Variants in VWF observed in about 807,000 individuals in gnomAD.
The protein encoded by VWF is Factor VIII related antigen.
In VWF, 176 loss-of-function variants were observed where a neutral mutation model predicts 308.6. The observed-to-expected ratio is 0.57, with a 90% CI of 0.50 to 0.65. The LOEUF is 0.65. Among genes scored for constraint, VWF ranks in the 30% least tolerant of loss-of-function variants. The pLI is 0.00. For synonymous variants in VWF, 1,385 were observed against 1,443.4 expected, an observed-to-expected ratio of 0.96 and a Z score of 0.92; for missense variants, 3,146 against 3,648.2, an observed-to-expected ratio of 0.86 and a Z score of 3.55.
chr12:6,080,900 C>T (rs1268539774), intron 6 of VWF, among the ~76,000 whole-genome samples: 2 of 152,210 alleles, frequency 1.3e-5, no homozygotes, highest in African/African-American at 2.4e-5. Flanking sequence ...GGCTTAGAAA[C>T]GGCTCCGTGT....
At position 5,967,492 on chromosome 12, in the gene VWF, G is replaced by A. The variant is rs770381255; in HGVS notation, c.7881C>T (p.Cys2627=). 2 of 1,614,086 alleles carry A rather than the reference G, an allele frequency of 1.2e-6. No homozygotes were observed. The highest frequency in any genetic ancestry group is 1.1e-5 in the South Asian group (1 of 91,084). The part of the protein sequence containing the change: ...LECRKTTCNP[C]PLGYKEENNT... ...CCCATTGAGCCTCTCTTACCAGGGGGCAGGGGTTGCAGGTGGTCTTCCTGC... is the reference window on the plus strand; with the variant it reads ...CCCATTGAGCCTCTCTTACCAGGGGACAGGGGTTGCAGGTGGTCTTCCTGC... Residue 2627 remains cysteine, a synonymous_variant, in exon 47 of 52, where the codon TGC becomes TGT. Coordinates refer to ENST00000261405, the MANE Select transcript of VWF (RefSeq NM_000552.5).
In VWF at chr12:5,993,633, A is replaced by ATGTG. The variant is rs141921218; in HGVS notation, c.6598+225_6598+228dup. ...TATGTGTGTATATATATACATATATATGTGTGTGTGTGTGTGTATATATAT... is the reference window on the plus strand; with the variant it reads ...TATGTGTGTATATATATACATATATATGTGTGTGTGTGTGTGTGTGTATATATAT... On this transcript the variant is annotated intron_variant, in intron 37 of 51. Coordinates refer to ENST00000261405, the MANE Select transcript of VWF (RefSeq NM_000552.5). 2.1e-4 allele frequency among the ~76,000 whole-genome samples: 30 copies of ATGTG among 143,692 alleles called. No individual in the cohort carries two copies. In the South Asian group the frequency reaches 2.7e-3, roughly 13 times the overall value. The allele number at this position is 143,692 out of a possible 152,430, so 94.3% of individuals were successfully genotyped here.
chr12:5,994,924 C>G (rs1178147858), intron 35 of VWF, among the ~76,000 whole-genome samples: 1 of 152,094 alleles, frequency 6.6e-6, no homozygotes, highest in East Asian at 1.9e-4. Flanking sequence ...GCCTTTAAGA[C>G]AGGCTGGGAA....
intron 6 of VWF, among the ~76,000 whole-genome samples, chr12:6,078,202 G>C (rs1304081438): frequency 6.6e-6 from 1 of 152,144 alleles, no homozygotes; most frequent in East Asian, 1.9e-4. Flanking sequence ...TGAGATGAAT[G>C]GTTGCCGAGC....
chr12:6,087,142 A>G (rs935413774), intron 6 of VWF, among the ~76,000 whole-genome samples: 6 of 152,244 alleles, frequency 3.9e-5, no homozygotes, highest in Middle Eastern at 3.4e-3. Context: ...ACAGGACTGC[A>G]ATTGATGTGA....
intron 12 of VWF, 45 bp downstream of exon 12, chr12:6,064,201 T>C: frequency 6.2e-7 from 1 of 1,613,568 alleles, no homozygotes. Context: ...TGCTAAGGGA[T>C]GGGCTGTGCC....
rs1759805548 is a variant in VWF, at chr12:6,057,912, G to C, written c.1666C>G (p.His556Asp). ...VEDFGNAWKL[H>D]GDCQDLQKQH... is the part of the protein sequence containing the mutation. ...TTCTGCAGGTCCTGGCAGTCCCCGT[G>C]CAGCTTCCAGGCGTTCCCGAAGTCC... Residue 556 changes from histidine to aspartate, a missense_variant, in exon 14 of 52, where the codon CAC (histidine) becomes GAC (aspartate). Physicochemically the swap from His to Asp is moderately conservative, Grantham distance 81. Transcript: ENST00000261405. 1 of 1,613,206 alleles carries C rather than the reference G, an allele frequency of 6.2e-7. No homozygotes were observed. Among genetic ancestry groups the C allele is most frequent in the Non-Finnish European group, 8.5e-7 (1 of 1,179,762 alleles).
At chr12:5,954,467 A>C (rs1943225981) in intron 47 of VWF, among the ~76,000 whole-genome samples, 1 of 152,242 alleles carries the variant, frequency 6.6e-6, no homozygotes, top group Non-Finnish European at 1.5e-5. Flanking sequence ...ATAATGGACA[A>C]GATTCATGTT....
rs771179169 is a variant in VWF, at chr12:6,064,338, C to T, written c.1340G>A (p.Arg447Gln). The T allele has an allele frequency of 1.1e-5, 17 of 1,614,040 alleles. No homozygotes were observed. In the African/African-American group the frequency reaches 1.1e-4, roughly 10 times the overall value. Residue 447 changes from arginine to glutamine, a missense_variant, in exon 12 of 52, where the codon CGG becomes CAG. Physicochemically the swap from Arg to Gln is conservative, Grantham distance 43. Around this residue, in one of 3 missense-constraint regions of VWF, gnomAD observed 1,304 missense variants for 1,353.0 expected, o/e 0.96. Transcript: ENST00000261405. ...DAVCTRSVTV[R>Q]LPGLHNSLVK... Reference sequence around the variant, plus strand: ...AAGGCTGTTGTGCAGGCCAGGCAGCCGGACGGTGACGGAGCGGGTGCACAC... The same window carrying T: ...AAGGCTGTTGTGCAGGCCAGGCAGCTGGACGGTGACGGAGCGGGTGCACAC...
intron 3 of VWF, among the ~76,000 whole-genome samples, chr12:6,112,993 T>G (rs2136525650): frequency 6.6e-6 from 1 of 152,260 alleles, no homozygotes. Context: ...ATAATAAGTC[T>G]ATTCTAGGAA....
intron 5 of VWF, among the ~76,000 whole-genome samples, chr12:6,103,551 C>T (rs1392912700): frequency 3.3e-5 from 3 of 91,988 alleles, no homozygotes; most frequent in African/African-American, 5.3e-4. Flanking sequence ...TGTATACACA[C>T]ACACACACAC....
At chr12:6,036,346 G>T (rs370580999) in intron 19 of VWF, 42 bp downstream of exon 19, 1 of 1,591,376 alleles carries the variant, frequency 6.3e-7, no homozygotes, top group Non-Finnish European at 8.6e-7. Context: ...CACTCCACCC[G>T]CAGGGCCTGG....
rs962812211 is a variant in VWF at position 6,063,405 on chromosome 12, G to C, written c.1433-351C>G. On this transcript the variant is annotated intron_variant, in intron 12 of 51. Coordinates refer to ENST00000261405, the MANE Select transcript of VWF (RefSeq NM_000552.5). This position sits in a 1 kb window ranked among gnomAD's most constrained non-coding sequence, Gnocchi z 4.9. Reference sequence around the variant, plus strand: ...CTTTAGCATTGACACCACGACATCTGAATGTGCCTGGGACACTCTGCCACT... The same window carrying C: ...CTTTAGCATTGACACCACGACATCTCAATGTGCCTGGGACACTCTGCCACT... Among the ~76,000 whole-genome samples the C allele has an allele frequency of 2.0e-5, 3 of 152,164 alleles. No homozygotes were observed. Among genetic ancestry groups the C allele is most frequent in the African/African-American group, 7.2e-5 (3 of 41,414 alleles).
rs1943441513 is a variant in VWF, at chr12:5,969,269, G to A, written c.7671C>T (p.Cys2557=). ...TACAGCTCAGCTGAAAGCCCGAGGG[G>A]CAGACAGGGACCTCCAGCTGGGGGC... ...VSCPQLEVPV[C]PSGFQLSCKT... The change falls in exon 45 of 52, where the codon TGC becomes TGT. Residue 2557 remains cysteine (C), a synonymous_variant. Transcript: ENST00000261405. 3 of 1,614,090 alleles carry A rather than the reference G, an allele frequency of 1.9e-6. No individual in the cohort carries two copies. Among genetic ancestry groups the A allele is most frequent in the African/African-American group, 2.7e-5 (2 of 74,948 alleles).
intron 34 of VWF, among the ~76,000 whole-genome samples, chr12:6,003,100 T>C (rs1943889905): frequency 6.6e-6 from 1 of 152,188 alleles, no homozygotes; most frequent in South Asian, 2.1e-4. Flanking sequence ...AAAGAAGATG[T>C]AGACAAAATC....
chr12:6,105,259 C>T (rs1322608538), intron 5 of VWF, among the ~76,000 whole-genome samples: 8 of 152,080 alleles, frequency 5.3e-5, no homozygotes, highest in East Asian at 3.9e-4. Context: ...GACAGAGTCT[C>T]GCTTTGTCAC....
rs925533478 is a variant in VWF, at chr12:5,994,582, G to A, written c.6089C>T (p.Ser2030Phe). 6 of 1,613,964 alleles carry A rather than the reference G, an allele frequency of 3.7e-6. No homozygotes were observed. The highest frequency in any genetic ancestry group is 5.1e-6 in the Non-Finnish European group (6 of 1,179,848). ...CATGTTCCCACCCACGTAAGGAACA[G>A]AGACCAGTCTCCCATTCACCGTCAC... The part of the protein sequence containing the change: ...MEVTVNGRLV[S>F]VPYVGGNMEV... The change falls in exon 36 of 52, where the codon TCT (serine) becomes TTT (phenylalanine). Residue 2030 changes from serine to phenylalanine, a missense_variant. Around this residue, in one of 3 missense-constraint regions of VWF, gnomAD observed 989 missense variants for 1,117.4 expected, o/e 0.89. Transcript: ENST00000261405.
At chr12:6,037,675 C>T (rs1464709927) in intron 18 of VWF, among the ~76,000 whole-genome samples, 1 of 152,148 alleles carries the variant, frequency 6.6e-6, no homozygotes, top group Non-Finnish European at 1.5e-5. Context: ...CTCAAAGAGG[C>T]CTGGGTCACC....
At chr12:5,982,141 T>C (rs1377821379) in intron 41 of VWF, 150 bp from the exon 42 acceptor site, 1 of 707,380 alleles carries the variant, frequency 1.4e-6, no homozygotes, top group African/African-American at 1.8e-5. Flanking sequence ...AGTTATTCAA[T>C]GTTACCAAAA....
Sources: allele counts gnomAD v4.1 joint callset (sites outside exome capture counted in the v4.1 genomes callset), GRCh38; gene constraint gnomAD v4.1.1; regional missense constraint gnomAD v4.1.1; non-coding constraint Gnocchi (gnomAD v3.1); transcripts MANE v1.5; gene names NCBI Gene and HGNC (gene_info 2026-07-23, HGNC 2026-07-21).